The following ADAMTSL3 variants were observed in gnomAD, a reference collection of about 807,000 sequenced individuals.
The protein encoded by ADAMTSL3 is ADAMTS-like protein 3.
A neutral mutation model predicts 201.7 loss-of-function variants in ADAMTSL3; 128 were observed. The ratio of observed to expected loss-of-function variants is 0.63; its 90% CI spans 0.55 to 0.73. ADAMTSL3 has a LOEUF of 0.73. Ranked by LOEUF, ADAMTSL3 falls within the 30% of genes least tolerant of loss-of-function variation. The pLI is 0.00. For synonymous variants in ADAMTSL3, 738 were observed against 748.4 expected (o/e 0.99, Z 0.23); for missense variants, 1,990 against 2,119.6 (o/e 0.94, Z 1.20).
At chr15:84,003,837 CT>C (rs1437307106) in intron 23 of ADAMTSL3, among the ~76,000 whole-genome samples, 1 of 152,170 alleles carries the variant, frequency 6.6e-6, no homozygotes, top group African/African-American at 2.4e-5. Flanking sequence ...TCAGAAGCCC[CT>C]GAATGACCCA....
intron 7 of ADAMTSL3, among the ~76,000 whole-genome samples, chr15:83,841,903 A>C (rs547328993): frequency 2.3e-4 from 35 of 151,984 alleles, no homozygotes; most frequent in African/African-American, 8.4e-4. Flanking sequence ...TGGCAGAAGA[A>C]CACACAGACG....
chr15:83,995,682 T>C (rs1159091755), intron 23 of ADAMTSL3, among the ~76,000 whole-genome samples: 1 of 152,082 alleles, frequency 6.6e-6, no homozygotes, highest in African/African-American at 2.4e-5. Flanking sequence ...ATTATCCCCA[T>C]TTAAAAGCAA....
chr15:83,702,935 A>T (rs1225334926), intron 2 of ADAMTSL3, among the ~76,000 whole-genome samples: 1 of 152,184 alleles, frequency 6.6e-6, no homozygotes, highest in Non-Finnish European at 1.5e-5. Flanking sequence ...AGCCACAGAC[A>T]TTCAACGCCT....
At chr15:83,963,202 A>C (rs944933108) in intron 19 of ADAMTSL3, among the ~76,000 whole-genome samples, 18 of 152,158 alleles carry the variant, frequency 1.2e-4, no homozygotes, top group African/African-American at 4.1e-4. Context: ...GGCTGAAGCC[A>C]GGCCTAGCTC....
chr15:83,869,022 G>C (rs1216442448), intron 8 of ADAMTSL3, among the ~76,000 whole-genome samples: 2 of 152,110 alleles, frequency 1.3e-5, no homozygotes, highest in Non-Finnish European at 2.9e-5. Context: ...GGTCCAGAAG[G>C]TTAGCACAAT....
intron 15 of ADAMTSL3, among the ~76,000 whole-genome samples, chr15:83,900,981 A>C (rs1018685978): frequency 3.3e-5 from 5 of 152,086 alleles, no homozygotes; most frequent in African/African-American, 1.2e-4. Context: ...CTCATTTGTC[A>C]ATCTCCCTTT....
At chr15:83,819,139 G>A (rs866403857) in intron 5 of ADAMTSL3, among the ~76,000 whole-genome samples, 5 of 151,834 alleles carry the variant, frequency 3.3e-5, no homozygotes, top group Middle Eastern at 3.4e-3. Context: ...GCGTGGTGGC[G>A]GGCGCCTGTA....
intron 2 of ADAMTSL3, among the ~76,000 whole-genome samples, chr15:83,696,111 G>A (rs1197862615): frequency 6.6e-6 from 1 of 152,154 alleles, no homozygotes; most frequent in African/African-American, 2.4e-5. Context: ...GTTGAGCCTG[G>A]GGATTCTGCC....
intron 3 of ADAMTSL3, among the ~76,000 whole-genome samples, chr15:83,732,952 A>C (rs1374733023): frequency 6.6e-6 from 1 of 152,150 alleles, no homozygotes; most frequent in Non-Finnish European, 1.5e-5. Context: ...AGAATCTGTC[A>C]AAATGGGCTG....
chr15:83,760,629 C>T (rs1163694942), intron 3 of ADAMTSL3, among the ~76,000 whole-genome samples: 2 of 151,904 alleles, frequency 1.3e-5, no homozygotes, highest in East Asian at 1.9e-4. Context: ...TTTCTTCTTA[C>T]AGTTCTGTCA....
chr15:83,655,612 C>T (rs2061070575), intron 1 of ADAMTSL3, 117 bp from the exon 2 acceptor site: 1 of 742,356 alleles, frequency 1.3e-6, no homozygotes, highest in African/African-American at 1.8e-5. Flanking sequence ...CCAACACAAA[C>T]CTTTCCAAAA....
chr15:83,850,642 A>G (rs560107330), intron 7 of ADAMTSL3, among the ~76,000 whole-genome samples: 39 of 152,216 alleles, frequency 2.6e-4, no homozygotes, highest in African/African-American at 7.2e-4. Flanking sequence ...TTCATCATCA[A>G]TGTATTCCTC....
intron 19 of ADAMTSL3, 119 bp downstream of exon 19, chr15:83,943,201 GC>G: frequency 8.3e-7 from 1 of 1,202,618 alleles, no homozygotes; most frequent in African/African-American, 1.5e-5. Flanking sequence ...GTCCTAGGGG[GC>G]CACATTTAAG....
chr15:83,716,347 AC>A (rs1286556274), intron 3 of ADAMTSL3, among the ~76,000 whole-genome samples: 21 of 25,146 alleles, frequency 8.4e-4, no homozygotes, highest in African/African-American at 4.7e-3. Context: ...TACTAAAAAC[AC>A]ACACACACAC....
intron 6 of ADAMTSL3, among the ~76,000 whole-genome samples, chr15:83,830,694 TTC>T (rs1370952601): frequency 6.6e-6 from 1 of 152,202 alleles, no homozygotes; most frequent in Non-Finnish European, 1.5e-5. Context: ...TTTCTCACAC[TTC>T]TAGAGGCCAG....
intron 15 of ADAMTSL3, among the ~76,000 whole-genome samples, chr15:83,904,637 G>A (rs1216277376): frequency 6.6e-6 from 1 of 152,172 alleles, no homozygotes; most frequent in Non-Finnish European, 1.5e-5. Flanking sequence ...CTGCAGTACT[G>A]ACCTTCTTAG....
intron 23 of ADAMTSL3, among the ~76,000 whole-genome samples, chr15:83,998,390 A>G (rs1431403881): frequency 6.6e-6 from 1 of 152,196 alleles, no homozygotes; most frequent in Admixed American, 6.5e-5. Context: ...CGGAGGTTGC[A>G]GTGAGCCGAG....
At chr15:83,821,550 G>C (rs2063865522) in intron 6 of ADAMTSL3, among the ~76,000 whole-genome samples, 1 of 151,074 alleles carries the variant, frequency 6.6e-6, no homozygotes, top group Non-Finnish European at 1.5e-5. Flanking sequence ...AGAGAGCACA[G>C]GGTTGGGGGT....
At chr15:83,807,556 A>G (rs965566344) in intron 5 of ADAMTSL3, among the ~76,000 whole-genome samples, 1 of 152,232 alleles carries the variant, frequency 6.6e-6, no homozygotes, top group African/African-American at 2.4e-5. Flanking sequence ...TACTATCCAA[A>G]GTGATATACA....
Sources: allele counts gnomAD v4.1 joint callset (sites outside exome capture counted in the v4.1 genomes callset), GRCh38; gene constraint gnomAD v4.1.1; transcripts MANE v1.5; gene names NCBI Gene and HGNC (gene_info 2026-07-23, HGNC 2026-07-21).